The following PRPSAP2 variants were observed in gnomAD, a reference collection of about 807,000 sequenced individuals.
The protein encoded by PRPSAP2 is phosphoribosyl pyrophosphate synthetase associated protein 2.
PRPSAP2 carries 24 observed loss-of-function variants against 40.6 expected under a neutral mutation model. The observed-to-expected ratio is 0.59, with a 90% CI of 0.43 to 0.83. PRPSAP2 has a LOEUF of 0.83. Ranked by LOEUF, PRPSAP2 falls within the 40% of genes least tolerant of loss-of-function variation. The pLI, the probability that PRPSAP2 is intolerant of heterozygous loss-of-function variation, is 0.00. For missense variants in PRPSAP2, 292 were observed against 465.6 expected, an observed-to-expected ratio of 0.63 and a Z score of 3.43; for synonymous variants, 149 against 164.7, an observed-to-expected ratio of 0.90 and a Z score of 0.73.
chr17:18,911,079 C>G lies in PRPSAP2; in HGVS notation c.585-24C>G. 1 of 1,587,036 alleles carries G rather than the reference C, an allele frequency of 6.3e-7. No individual in the cohort carries two copies. Among genetic ancestry groups the G allele is most frequent in the South Asian group, 1.1e-5 (1 of 88,500 alleles). ...AACCAAGGGCTGCATGAGTTTTGAG[C>G]TTGTGTCTGGTGTTTTCCCTCAGGG... On this transcript the variant is annotated intron_variant, in intron 8 of 11. Coordinates refer to ENST00000268835, the MANE Select transcript of PRPSAP2 (RefSeq NM_002767.4). The surrounding 1 kb of genome is among the most constrained non-coding windows in gnomAD (Gnocchi z 4.5).
At chr17:18,895,668 C>G (rs1478771842) in intron 8 of PRPSAP2, among the ~76,000 whole-genome samples, 1 of 151,738 alleles carries the variant, frequency 6.6e-6, no homozygotes, top group African/African-American at 2.4e-5. Context: ...CTCTGTTGCC[C>G]AGGCTGGAGT....
chr17:18,903,783 T>C (rs1249717338), intron 8 of PRPSAP2, among the ~76,000 whole-genome samples: 6 of 152,146 alleles, frequency 3.9e-5, no homozygotes, highest in African/African-American at 1.2e-4. Context: ...TCTGTCGACA[T>C]GGCATCAACA....
chr17:18,908,801 C>T (rs972245063), intron 8 of PRPSAP2: 3 of 720,390 alleles, frequency 4.2e-6, no homozygotes, highest in South Asian at 2.8e-5. Flanking sequence ...AAAAAAGTGG[C>T]GGAAAAGCTA....
chr17:18,920,349 A>G (rs2041625946), intron 9 of PRPSAP2, among the ~76,000 whole-genome samples: 1 of 152,138 alleles, frequency 6.6e-6, no homozygotes, highest in African/African-American at 2.4e-5. Context: ...ATGAGTTCAT[A>G]GGACTGGATG....
At position 18,877,864 on chromosome 17, in the gene PRPSAP2, A is replaced by C. The variant is rs1452384062; in HGVS notation, c.406A>C (p.Lys136Gln). ...VSKLLASMMC[K>Q]AGLTHLITMD... ...TAAATTGCTGGCTTCCATGATGTGC[A>C]AAGCTGGTAAGAATGGCAGATGTTT... is the stretch of plus-strand genomic sequence containing the variant. Residue 136 changes from lysine (K) to glutamine (Q), a missense_variant, in exon 6 of 12, where the codon AAA (lysine) becomes CAA (glutamine). Physicochemically the swap from Lys to Gln is moderately conservative, Grantham distance 53. This residue lies in a region of PRPSAP2 where 241 missense variants were observed against 425.7 expected (regional missense o/e 0.57). Transcript: ENST00000268835. 6.3e-7 allele frequency: 1 copy of C among 1,598,586 alleles called. No homozygotes were observed. Among genetic ancestry groups the C allele is most frequent in the Admixed American group, 1.8e-5 (1 of 55,576 alleles).
chr17:18,888,912 GT>G (rs1567703332), intron 7 of PRPSAP2, among the ~76,000 whole-genome samples: 1 of 152,168 alleles, frequency 6.6e-6, no homozygotes, highest in Admixed American at 6.5e-5. Flanking sequence ...CAATAGACTT[GT>G]TTTTGTTAGA....
chr17:18,882,881 C>T (rs1044561343), intron 7 of PRPSAP2, among the ~76,000 whole-genome samples, 198 bp downstream of exon 7: 2 of 152,076 alleles, frequency 1.3e-5, no homozygotes, highest in Non-Finnish European at 2.9e-5. Context: ...CTTAAAATTG[C>T]TTTTTCTTTT....
At chr17:18,888,747 G>C (rs1169731253) in intron 7 of PRPSAP2, among the ~76,000 whole-genome samples, 2 of 40,790 alleles carry the variant, frequency 4.9e-5, no homozygotes, top group African/African-American at 2.0e-4. Flanking sequence ...CTGGCCGGGC[G>C]GGGGGCTGAC....
At chr17:18,875,409 C>CA (rs369618135) in intron 5 of PRPSAP2, among the ~76,000 whole-genome samples, 8 of 151,724 alleles carry the variant, frequency 5.3e-5, no homozygotes, top group African/African-American at 1.9e-4. Flanking sequence ...ACTAAAAATA[C>CA]AAAAAATTAG....
At chr17:18,883,403 CT>C (rs3043912) in intron 7 of PRPSAP2, among the ~76,000 whole-genome samples, 66 of 134,206 alleles carry the variant, frequency 4.9e-4, no homozygotes, top group Admixed American at 7.0e-4. Flanking sequence ...GTTTTTCTTT[CT>C]TTTTTTTTTT....
rs760654250 is a variant in PRPSAP2, at chr17:18,913,230, G to A, written c.733+1979G>A. 2.3e-4 allele frequency among the ~76,000 whole-genome samples: 35 copies of A among 152,300 alleles called. No individual in the cohort carries two copies. The Middle Eastern group carries it at 0.01, about 44-fold the overall frequency. On this transcript the variant is annotated intron_variant, in intron 9 of 11. Coordinates refer to ENST00000268835, the MANE Select transcript of PRPSAP2 (RefSeq NM_002767.4). ...CCTGGCACTCTTTGGGGCATCCTTT[G>A]AAGTCTGGGTAGAGGTAGATGTGCC...
intron 9 of PRPSAP2, among the ~76,000 whole-genome samples, chr17:18,923,603 T>A (rs2041819303): frequency 6.6e-6 from 1 of 152,220 alleles, no homozygotes; most frequent in African/African-American, 2.4e-5. Flanking sequence ...TACTTTTCCT[T>A]TCTGATCTGG....
chr17:18,913,299 C>T (rs145097971), intron 9 of PRPSAP2, among the ~76,000 whole-genome samples: 5 of 152,130 alleles, frequency 3.3e-5, no homozygotes, highest in Non-Finnish European at 5.9e-5. Flanking sequence ...TGGCCCTGCA[C>T]GGACACCACT....
At chr17:18,870,385 C>A (rs886096168) in intron 4 of PRPSAP2, among the ~76,000 whole-genome samples, 1 of 151,648 alleles carries the variant, frequency 6.6e-6, no homozygotes, top group Non-Finnish European at 1.5e-5. Context: ...GGCAACAGGG[C>A]GAGATGTGTC....
chr17:18,904,745 G>A (rs2040478478), intron 8 of PRPSAP2: 1 of 152,188 alleles, frequency 6.6e-6, no homozygotes, highest in Non-Finnish European at 1.5e-5. Flanking sequence ...GTTTGAAATT[G>A]TTTTCTCTGA....
chr17:18,869,834 CTT>C (rs146119397), intron 4 of PRPSAP2, among the ~76,000 whole-genome samples: 14 of 143,320 alleles, frequency 9.8e-5, no homozygotes, highest in Admixed American at 4.2e-4. Flanking sequence ...CATTTTGCTA[CTT>C]TTTTTTTGTG....
intron 7 of PRPSAP2, 114 bp downstream of exon 7, chr17:18,882,797 ACCAT>A: frequency 2.9e-6 from 2 of 683,086 alleles, no homozygotes; most frequent in Non-Finnish European, 5.1e-6. Flanking sequence ...TACTTAAAGT[ACCAT>A]TATACTTTAT....
chr17:18,881,833 A>C (rs1436524726), intron 6 of PRPSAP2, among the ~76,000 whole-genome samples: 2 of 131,504 alleles, frequency 1.5e-5, no homozygotes, highest in Non-Finnish European at 3.2e-5. Context: ...GTGCCCGGCC[A>C]TGAGAGCAAT....
intron 10 of PRPSAP2, among the ~76,000 whole-genome samples, chr17:18,925,061 A>G (rs1037878230): frequency 1.3e-5 from 2 of 152,170 alleles, no homozygotes; most frequent in African/African-American, 4.8e-5. Context: ...CGGAGGTTGC[A>G]GTGAGCCAAG....
Sources: allele counts gnomAD v4.1 joint callset (sites outside exome capture counted in the v4.1 genomes callset), GRCh38; gene constraint gnomAD v4.1.1; regional missense constraint gnomAD v4.1.1; non-coding constraint Gnocchi (gnomAD v3.1); transcripts MANE v1.5; gene names NCBI Gene and HGNC (gene_info 2026-07-23, HGNC 2026-07-21).